The following MCTP1 variants were observed in gnomAD, a reference collection of about 807,000 sequenced individuals.
The protein encoded by MCTP1 is multiple C2 and transmembrane domain-containing protein 1.
A neutral mutation model predicts 120.6 loss-of-function variants in MCTP1; 69 were observed. The observed-to-expected ratio is 0.57, with a 90% CI of 0.47 to 0.70. The LOEUF (loss-of-function observed/expected upper bound fraction) is 0.70. Among genes scored for constraint, MCTP1 ranks in the 30% least tolerant of loss-of-function variants. The pLI is 0.00. For missense variants in MCTP1, 1,203 were observed against 1,248.8 expected, an observed-to-expected ratio of 0.96 and a Z score of 0.55; for synonymous variants, 529 against 493.1, an observed-to-expected ratio of 1.07 and a Z score of -0.96.
intron 1 of MCTP1, among the ~76,000 whole-genome samples, chr5:95,060,216 C>T (rs1366330931): frequency 6.6e-6 from 1 of 152,124 alleles, no homozygotes; most frequent in Non-Finnish European, 1.5e-5. Flanking sequence ...GGGACAGCTA[C>T]TCCAGGTACC....
At position 94,964,347 on chromosome 5, in the gene MCTP1, T is replaced by G. The variant is rs554472436; in HGVS notation, c.839-10986A>C. Among the ~76,000 whole-genome samples, 32 of 152,320 alleles carry G rather than the reference T, an allele frequency of 2.1e-4. No individual in the cohort carries two copies. In the South Asian group the frequency reaches 6.4e-3, roughly 31 times the overall value. ...ATGTGCTGCTGAACAGAATATTCCA[T>G]ATGTGACTCTTAGGTCCACTGGGTC... On this transcript the variant is annotated intron_variant, in intron 2 of 22. Coordinates refer to ENST00000515393, the MANE Select transcript of MCTP1 (RefSeq NM_024717.7).
intron 17 of MCTP1, among the ~76,000 whole-genome samples, chr5:94,842,719 T>A (rs534438484): frequency 1.3e-5 from 2 of 152,166 alleles, no homozygotes; most frequent in South Asian, 2.1e-4. Flanking sequence ...ATCATGACAG[T>A]AGGATATCAC....
intron 18 of MCTP1, among the ~76,000 whole-genome samples, chr5:94,785,659 A>G (rs1025675098): frequency 2.6e-5 from 4 of 152,122 alleles, no homozygotes; most frequent in Admixed American, 2.0e-4. Flanking sequence ...TTATGCCTCT[A>G]TATTTAGAAC....
At chr5:94,917,855 A>G (rs1228121199) in intron 8 of MCTP1, 41 bp downstream of exon 8, 1 of 1,543,082 alleles carries the variant, frequency 6.5e-7, no homozygotes, top group Admixed American at 1.7e-5. Context: ...CAGCTCATGC[A>G]AGCTCAGAAA....
At chr5:95,277,307 C>A (rs1486277056) in intron 1 of MCTP1, among the ~76,000 whole-genome samples, 1 of 152,180 alleles carries the variant, frequency 6.6e-6, no homozygotes, top group Non-Finnish European at 1.5e-5. Context: ...CCTCCCCTCA[C>A]CAGGCTTTAA....
At chr5:95,047,424 T>C (rs1198668990) in intron 1 of MCTP1, among the ~76,000 whole-genome samples, 3 of 152,162 alleles carry the variant, frequency 2.0e-5, no homozygotes, top group Admixed American at 2.0e-4. Context: ...TTTTGCTCCC[T>C]AAGCCCTTAA....
rs139828351 is a variant in MCTP1, at chr5:95,003,760, T to A, written c.838+13607A>T. On this transcript the variant is annotated intron_variant, in intron 2 of 22. Transcript: ENST00000515393. Reference sequence around the variant, plus strand: ...TATAGGCTGCAGACCACGAGCTGATTAAACCTCTTTTATTTATAAATTACC... The same window carrying A: ...TATAGGCTGCAGACCACGAGCTGATAAAACCTCTTTTATTTATAAATTACC... Among the ~76,000 whole-genome samples, 389 of 152,346 alleles carry A rather than the reference T, an allele frequency of 2.6e-3. 1 individual carries two copies. Among genetic ancestry groups the A allele is most frequent in the Non-Finnish European group, 4.0e-3 (274 of 68,030 alleles).
In MCTP1 at chr5:95,036,579, C is replaced by G. The variant is rs1045831373; in HGVS notation, c.721-19095G>C. 5.3e-5 allele frequency among the ~76,000 whole-genome samples: 8 copies of G among 152,178 alleles called. No homozygotes were observed. In the South Asian group the frequency reaches 1.7e-3, roughly 31 times the overall value. ...TTGCTTTGTATCTGAGTTTCCTCGT[C>G]AGAACCCTAATCTTTATTTCAAAGG... On this transcript the variant is annotated intron_variant, in intron 1 of 22. Coordinates refer to ENST00000515393, the MANE Select transcript of MCTP1 (RefSeq NM_024717.7).
At chr5:95,103,346 T>C (rs1756877804) in intron 1 of MCTP1, among the ~76,000 whole-genome samples, 2 of 151,690 alleles carry the variant, frequency 1.3e-5, no homozygotes, top group Admixed American at 6.6e-5. Flanking sequence ...GAGAAAAAGG[T>C]TTCCAGGCAG....
rs568083587 is a variant in MCTP1, at chr5:94,716,739, C to T, written c.2611-1853G>A. Among the ~76,000 whole-genome samples the T allele has an allele frequency of 2.4e-4, 36 of 148,462 alleles. No individual in the cohort carries two copies. In the South Asian group the frequency reaches 5.5e-3, roughly 23 times the overall value. On this transcript the variant is annotated intron_variant, in intron 19 of 22. Transcript: ENST00000515393. The stretch of plus-strand genomic sequence containing the variant: ...AGGTAAAACCTCAGCAGGAAATTTA[C>T]GAAATATATAAAAAGTTTTTTTTTT...
At chr5:95,070,676 C>T (rs1251256918) in intron 1 of MCTP1, among the ~76,000 whole-genome samples, 2 of 152,178 alleles carry the variant, frequency 1.3e-5, no homozygotes, top group African/African-American at 4.8e-5. Flanking sequence ...TCAGCAACTA[C>T]CTACCAGACT....
At chr5:94,750,483 TA>T in intron 19 of MCTP1, among the ~76,000 whole-genome samples, 2 of 152,340 alleles carry the variant, frequency 1.3e-5, no homozygotes, top group South Asian at 4.1e-4. Context: ...TGCACTTCCT[TA>T]TCTGCTAAAA....
intron 1 of MCTP1, among the ~76,000 whole-genome samples, chr5:95,170,169 G>C (rs565759926): frequency 6.0e-4 from 92 of 152,188 alleles, no homozygotes; most frequent in Non-Finnish European, 1.1e-3. Context: ...TCGTTATGTA[G>C]CCAGTAGTCA....
At chr5:95,046,977 G>A (rs1475885495) in intron 1 of MCTP1, among the ~76,000 whole-genome samples, 1 of 152,144 alleles carries the variant, frequency 6.6e-6, no homozygotes, top group Admixed American at 6.6e-5. Context: ...TGGAAGGTAA[G>A]CTCTTTGAAA....
At chr5:94,769,432 T>C (rs1773563927) in intron 19 of MCTP1, among the ~76,000 whole-genome samples, 2 of 152,158 alleles carry the variant, frequency 1.3e-5, no homozygotes, top group Admixed American at 6.5e-5. Context: ...TTACCCTGAT[T>C]TGATCATACA....
At chr5:95,244,621 G>A (rs544661038) in intron 1 of MCTP1, among the ~76,000 whole-genome samples, 5 of 152,306 alleles carry the variant, frequency 3.3e-5, no homozygotes, top group African/African-American at 7.2e-5. Flanking sequence ...GCAGCTTGAC[G>A]GGAGGAGGGA....
intron 1 of MCTP1, among the ~76,000 whole-genome samples, chr5:95,066,620 A>C (rs866871167): frequency 6.6e-6 from 1 of 152,234 alleles, no homozygotes; most frequent in South Asian, 2.1e-4. Flanking sequence ...CTTATAAAGA[A>C]AATTTAATAT....
At position 94,869,798 on chromosome 5, in the gene MCTP1, A is replaced by G. The variant is rs1797495537; in HGVS notation, c.2316+619T>C. 3.3e-5 allele frequency among the ~76,000 whole-genome samples: 5 copies of G among 152,274 alleles called. No individual in the cohort carries two copies. The South Asian group carries it at 1.0e-3, about 32-fold the overall frequency. ...TTAATATTAAGCCTAATTTAAAATT[A>G]TAAGCAATAGATATCACGCTCAATT... On this transcript the variant is annotated intron_variant, in intron 16 of 22. Transcript: ENST00000515393.
chr5:94,758,049 C>T (rs1383460213), intron 19 of MCTP1, among the ~76,000 whole-genome samples: 1 of 151,992 alleles, frequency 6.6e-6, no homozygotes, highest in Non-Finnish European at 1.5e-5. Flanking sequence ...AAAATGAGAT[C>T]CAACAAAAGT....
Sources: gnomAD v4.1 joint callset for allele counts (sites outside exome capture counted in the v4.1 genomes callset) on GRCh38, gnomAD v4.1.1 for gene constraint, MANE v1.5 for transcripts, NCBI Gene and HGNC (gene_info 2026-07-23, HGNC 2026-07-21) for gene names.